Variants in HSD17B2 observed in about 807,000 individuals in gnomAD.
HSD17B2 encodes 17-beta-hydroxysteroid dehydrogenase type 2.
A neutral mutation model predicts 26.9 loss-of-function variants in HSD17B2; 32 were observed. The observed-to-expected ratio is 1.19, with a 90% CI of 0.90 to 1.60. The LOEUF is 1.60. HSD17B2 is among the 40% of genes most tolerant of loss of function. The pLI, the probability that HSD17B2 is intolerant of heterozygous loss-of-function variation, is 0.00. For missense variants in HSD17B2, 613 were observed against 468.6 expected, an observed-to-expected ratio of 1.31 and a Z score of -2.85; for synonymous variants, 246 against 186.7, an observed-to-expected ratio of 1.32 and a Z score of -2.59.
At chr16:82,086,157 A>G (rs1468089719) in intron 3 of HSD17B2, among the ~76,000 whole-genome samples, 1 of 152,208 alleles carries the variant, frequency 6.6e-6, no homozygotes, top group Non-Finnish European at 1.5e-5. Context: ...GAGGTGTTCA[A>G]ACAAAAACTC....
intron 1 of HSD17B2, among the ~76,000 whole-genome samples, chr16:82,048,256 G>T (rs8191081): frequency 0.06 from 9,126 of 152,228 alleles, 904 homozygotes; most frequent in African/African-American, 0.21. Flanking sequence ...AGGATAGGAG[G>T]TGGAAGGGAG....
intron 1 of HSD17B2, among the ~76,000 whole-genome samples, chr16:82,062,588 G>C (rs369611175): frequency 3.6e-4 from 55 of 152,310 alleles, no homozygotes; most frequent in African/African-American, 1.2e-3. Context: ...CTGTGTCTTA[G>C]CTGAATGACT....
At chr16:82,038,426 T>G (rs1000522685) in intron 1 of HSD17B2, among the ~76,000 whole-genome samples, 1 of 152,212 alleles carries the variant, frequency 6.6e-6, no homozygotes, top group Non-Finnish European at 1.5e-5. Flanking sequence ...CTCAGCTCAC[T>G]GCAACCTCTG....
At chr16:82,087,148 C>T (rs1017100769) in intron 3 of HSD17B2, among the ~76,000 whole-genome samples, 2 of 152,090 alleles carry the variant, frequency 1.3e-5, no homozygotes. Context: ...TCTTAAGTTA[C>T]CTAATGTTAG....
At chr16:82,048,064 C>G (rs573946190) in intron 1 of HSD17B2, among the ~76,000 whole-genome samples, 7 of 152,202 alleles carry the variant, frequency 4.6e-5, no homozygotes, top group African/African-American at 1.7e-4. Context: ...TGGTGGTGTC[C>G]AAATTAAATT....
chr16:82,048,736 A>G (rs946962782), intron 1 of HSD17B2, among the ~76,000 whole-genome samples: 1 of 152,210 alleles, frequency 6.6e-6, no homozygotes, highest in Non-Finnish European at 1.5e-5. Flanking sequence ...ATGACATGTT[A>G]TTGGTTAGAA....
chr16:82,081,584 G>T (rs1304039118), intron 3 of HSD17B2, among the ~76,000 whole-genome samples: 3 of 152,174 alleles, frequency 2.0e-5, no homozygotes, highest in Non-Finnish European at 4.4e-5. Context: ...GGCAATAAGA[G>T]TGGACAAATA....
chr16:82,050,423 G>T (rs1005373673), intron 1 of HSD17B2, among the ~76,000 whole-genome samples: 1 of 151,836 alleles, frequency 6.6e-6, no homozygotes, highest in Non-Finnish European at 1.5e-5. Flanking sequence ...CACCTCCCCT[G>T]CTTCTGATGT....
rs552709078 is a variant in HSD17B2, at chr16:82,046,532, G to A, written c.265+10843G>A. 2.6e-5 allele frequency among the ~76,000 whole-genome samples: 4 copies of A among 152,250 alleles called. No homozygotes were observed. The South Asian group carries it at 8.3e-4, about 32-fold the overall frequency. The stretch of plus-strand genomic sequence containing the variant: ...GAGCCCGGGAGTTCAACACTAGACT[G>A]AGGAACATGGTAAAACCCCATATCT... On this transcript the variant is annotated intron_variant, in intron 1 of 4. Transcript: ENST00000199936.
intron 4 of HSD17B2, chr16:82,095,556 C>G (rs1904816227): frequency 6.6e-6 from 1 of 152,308 alleles, no homozygotes; most frequent in African/African-American, 2.4e-5. Flanking sequence ...GTGCCTTCGA[C>G]CAGGCTGTAC....
intron 1 of HSD17B2, among the ~76,000 whole-genome samples, chr16:82,039,831 G>A (rs962486471): frequency 1.3e-5 from 2 of 152,124 alleles, no homozygotes; most frequent in Admixed American, 1.3e-4. Context: ...GGACCACTGG[G>A]GAAGACACGG....
chr16:82,048,700 C>G (rs1914011483), intron 1 of HSD17B2, among the ~76,000 whole-genome samples: 1 of 152,104 alleles, frequency 6.6e-6, no homozygotes, highest in African/African-American at 2.4e-5. Context: ...GACATCGCAG[C>G]TTTTGTTCTA....
intron 1 of HSD17B2, among the ~76,000 whole-genome samples, chr16:82,066,963 T>C (rs1476171965): frequency 6.6e-6 from 1 of 152,246 alleles, no homozygotes; most frequent in Non-Finnish European, 1.5e-5. Context: ...CTGCAAGTAT[T>C]TCTCTAGGAT....
intron 1 of HSD17B2, among the ~76,000 whole-genome samples, chr16:82,043,644 A>T (rs1163205732): frequency 9.0e-6 from 1 of 110,666 alleles, no homozygotes; most frequent in Non-Finnish European, 1.5e-5. Flanking sequence ...AGATCGCGCC[A>T]CTGCACTGTC....
intron 1 of HSD17B2, among the ~76,000 whole-genome samples, chr16:82,053,976 T>A (rs1440472691): frequency 6.6e-6 from 1 of 152,322 alleles, no homozygotes; most frequent in East Asian, 1.9e-4. Context: ...AAGGTCACCA[T>A]GCTCATTAAG....
chr16:82,048,424 G>A (rs1182131674), intron 1 of HSD17B2, among the ~76,000 whole-genome samples: 1 of 152,176 alleles, frequency 6.6e-6, no homozygotes, highest in Non-Finnish European at 1.5e-5. Context: ...GAGTCCCAGT[G>A]CAAAGGCAGC....
chr16:82,089,171 G>C (rs1163650980), intron 3 of HSD17B2, among the ~76,000 whole-genome samples: 1 of 152,140 alleles, frequency 6.6e-6, no homozygotes, highest in African/African-American at 2.4e-5. Context: ...TGTTTTACTA[G>C]AGATTAATTT....
At chr16:82,057,401 G>T (rs914750936) in intron 1 of HSD17B2, among the ~76,000 whole-genome samples, 1 of 152,122 alleles carries the variant, frequency 6.6e-6, no homozygotes, top group African/African-American at 2.4e-5. Context: ...GTTTCACCAT[G>T]TTGGCCAGGA....
At chr16:82,086,402 G>A (rs1406200318) in intron 3 of HSD17B2, among the ~76,000 whole-genome samples, 1 of 152,156 alleles carries the variant, frequency 6.6e-6, no homozygotes, top group Non-Finnish European at 1.5e-5. Flanking sequence ...CAATTCTTTT[G>A]TAAGCTTCAG....
Sources: allele counts gnomAD v4.1 joint callset (sites outside exome capture counted in the v4.1 genomes callset), GRCh38; gene constraint gnomAD v4.1.1; transcripts MANE v1.5; gene names NCBI Gene and HGNC (gene_info 2026-07-23, HGNC 2026-07-21).